PCBP3: variants seen among roughly 807,000 people sequenced by gnomAD.
PCBP3 encodes the protein poly(rC)-binding protein 3.
PCBP3 carries 25 observed loss-of-function variants against 52.7 expected under a neutral mutation model. The ratio of observed to expected loss-of-function variants is 0.47; its 90% confidence interval spans 0.35 to 0.66. The LOEUF (loss-of-function observed/expected upper bound fraction) is 0.66, where lower values mean the gene tolerates loss of function less well. PCBP3 is among the 30% of genes least tolerant of loss of function. PCBP3 has a pLI of 0.01. For missense variants in PCBP3, 391 were observed against 490.3 expected (o/e 0.80, Z 1.91); for synonymous variants, 162 against 183.0 (o/e 0.89, Z 0.93).
chr21:45,792,722 A>G (rs2091687331), intron 4 of PCBP3, among the ~76,000 whole-genome samples: 1 of 152,366 alleles, frequency 6.6e-6, no homozygotes, highest in South Asian at 2.1e-4. Flanking sequence ...AGACATGCAG[A>G]CAGGCCTAAT....
chr21:45,658,648 A>G (rs966986254), intron 1 of PCBP3, among the ~76,000 whole-genome samples: 5 of 152,120 alleles, frequency 3.3e-5, no homozygotes, highest in East Asian at 1.9e-4. Context: ...ATGTTAATCT[A>G]TAGTTTTCTT....
At chr21:45,838,496 T>G (rs1364849706) in intron 4 of PCBP3, among the ~76,000 whole-genome samples, 6 of 152,154 alleles carry the variant, frequency 3.9e-5, no homozygotes, top group Admixed American at 3.9e-4. Context: ...CATTGATTTT[T>G]TATAATTTAG....
In PCBP3 at chr21:45,888,588, G is replaced by A. The variant is rs369566905; in HGVS notation, c.11-7620G>A. Reference sequence around the variant, plus strand: ...CCGGGGCAGGGCCCTGCTCCACAGCGACACAGCACGTGATACCACAGGCAG... The same window carrying A: ...CCGGGGCAGGGCCCTGCTCCACAGCAACACAGCACGTGATACCACAGGCAG... On this transcript the variant is annotated intron_variant, in intron 5 of 17. Transcript: ENST00000681687. Among the ~76,000 whole-genome samples the A allele has an allele frequency of 3.8e-3, 572 of 152,348 alleles. 3 individuals carry two copies. Among genetic ancestry groups the A allele is most frequent in the African/African-American group, 0.013 (536 of 41,576 alleles).
At chr21:45,757,193 C>G (rs1402581604) in intron 4 of PCBP3, among the ~76,000 whole-genome samples, 1 of 152,180 alleles carries the variant, frequency 6.6e-6, no homozygotes, top group African/African-American at 2.4e-5. Context: ...CAACACCCAT[C>G]TTCTATTTCT....
rs1414588407 is a variant in PCBP3 at position 45,736,905 on chromosome 21, G to A, written c.-162+1476G>A. Among the ~76,000 whole-genome samples, 1 of 152,126 alleles carries A rather than the reference G, an allele frequency of 6.6e-6. No individual in the cohort carries two copies. Among genetic ancestry groups the A allele is most frequent in the South Asian group, 2.1e-4 (1 of 4,830 alleles). On this transcript the variant is annotated intron_variant, in intron 3 of 17. Coordinates refer to ENST00000681687, the MANE Select transcript of PCBP3 (RefSeq NM_001384156.1). The surrounding 1 kb of genome is among the most constrained non-coding windows in gnomAD (Gnocchi z 4.6). ...CTGTGGAGGAAACAGGGAAGGGCAG[G>A]GTGTGGGAGTCCTGGTGCTGTGTGA...
intron 15 of PCBP3, among the ~76,000 whole-genome samples, chr21:45,934,065 G>T: frequency 6.6e-6 from 1 of 152,174 alleles, no homozygotes; most frequent in Non-Finnish European, 1.5e-5. Flanking sequence ...AACCTAGGCT[G>T]AGGGGCACAG....
intron 4 of PCBP3, among the ~76,000 whole-genome samples, chr21:45,798,294 A>G (rs984690158): frequency 6.6e-6 from 1 of 151,916 alleles, no homozygotes; most frequent in Non-Finnish European, 1.5e-5. Context: ...GGATGAATGC[A>G]TGGATCCATA....
chr21:45,752,659 G>C (rs1178189671), intron 3 of PCBP3, among the ~76,000 whole-genome samples: 3 of 151,608 alleles, frequency 2.0e-5, no homozygotes, highest in Non-Finnish European at 4.4e-5. Flanking sequence ...AAGTATTTTA[G>C]TTTCTAAGTT....
chr21:45,780,141 CA>C (rs974350795), intron 4 of PCBP3, among the ~76,000 whole-genome samples: 1 of 152,206 alleles, frequency 6.6e-6, no homozygotes, highest in Non-Finnish European at 1.5e-5. Context: ...CTCTAAAACT[CA>C]AAAATATATA....
intron 4 of PCBP3, among the ~76,000 whole-genome samples, chr21:45,756,100 T>C (rs2088014738): frequency 6.6e-6 from 1 of 152,238 alleles, no homozygotes; most frequent in South Asian, 2.1e-4. Context: ...CCCATCCATT[T>C]TGAGCCACTT....
chr21:45,828,628 C>A (rs2093367266), intron 4 of PCBP3: 2 of 152,426 alleles, frequency 1.3e-5, no homozygotes, highest in South Asian at 4.1e-4. Context: ...TCCTCTGGAG[C>A]AGGTGCCGGC....
chr21:45,854,987 G>C (rs529469112), intron 5 of PCBP3, among the ~76,000 whole-genome samples: 51 of 152,334 alleles, frequency 3.3e-4, no homozygotes, highest in African/African-American at 1.2e-3. Context: ...AGCTGACAGA[G>C]AGCTCCAGGA....
chr21:45,934,974 CAG>C (rs540601168), intron 15 of PCBP3, among the ~76,000 whole-genome samples: 49 of 152,338 alleles, frequency 3.2e-4, no homozygotes, highest in African/African-American at 9.1e-4. Context: ...ACAAACATAA[CAG>C]GGGAGTGAAG....
At chr21:45,740,463 A>G (rs1033928589) in intron 3 of PCBP3, among the ~76,000 whole-genome samples, 3 of 152,252 alleles carry the variant, frequency 2.0e-5, no homozygotes, top group African/African-American at 7.2e-5. Flanking sequence ...CACTAAAATG[A>G]CAGGCAAGAT....
chr21:45,914,395 G>A, intron 12 of PCBP3: 1 of 454,820 alleles, frequency 2.2e-6, no homozygotes, highest in Middle Eastern at 5.6e-4. Context: ...GAGAACCAGG[G>A]TCTTGTTTCC....
intron 3 of PCBP3, among the ~76,000 whole-genome samples, chr21:45,751,291 A>G (rs1219267641): frequency 6.6e-6 from 1 of 152,184 alleles, no homozygotes; most frequent in Non-Finnish European, 1.5e-5. Flanking sequence ...AAAATATACT[A>G]ATGTATCTTG....
At chr21:45,845,511 C>T (rs61063225) in intron 4 of PCBP3, among the ~76,000 whole-genome samples, 21,075 of 148,844 alleles carry the variant, frequency 0.14, 1,613 homozygotes, top group Middle Eastern at 0.29. Flanking sequence ...CGCGTGTACA[C>T]GTTTGTGAGT....
At chr21:45,690,460 AAAG>A (rs2082393770) in intron 2 of PCBP3, among the ~76,000 whole-genome samples, 1 of 152,192 alleles carries the variant, frequency 6.6e-6, no homozygotes, top group African/African-American at 2.4e-5. Flanking sequence ...TACATCAACA[AAAG>A]AAAAACTAAT....
intron 5 of PCBP3, among the ~76,000 whole-genome samples, chr21:45,867,968 A>T (rs905518265): frequency 6.6e-6 from 1 of 152,246 alleles, no homozygotes; most frequent in Non-Finnish European, 1.5e-5. Flanking sequence ...AAAGCTGGAC[A>T]AAAAAAGGCG....
Sources: gnomAD v4.1 joint callset for allele counts (sites outside exome capture counted in the v4.1 genomes callset) on GRCh38, gnomAD v4.1.1 for gene constraint, Gnocchi (gnomAD v3.1) non-coding constraint, MANE v1.5 for transcripts, NCBI Gene and HGNC (gene_info 2026-07-23, HGNC 2026-07-21) for gene names.